LIPI: variants seen among roughly 807,000 people sequenced by gnomAD.
LIPI encodes the protein lipase I.
Under a neutral mutation model 50.6 loss-of-function variants are expected in LIPI, and 59 were observed. That is an observed-to-expected ratio of 1.16 (90% CI 0.94 to 1.45). LIPI has a LOEUF of 1.45. Ranked by LOEUF, LIPI falls within the 40% of genes most tolerant of loss-of-function variation. LIPI has a pLI of 0.00. For synonymous variants in LIPI, 203 were observed against 178.2 expected, an observed-to-expected ratio of 1.14 and a Z score of -1.11; for missense variants, 586 against 536.3, an observed-to-expected ratio of 1.09 and a Z score of -0.92.
At chr21:14,155,664 TAAC>T (rs2018248596) in intron 7 of LIPI, among the ~76,000 whole-genome samples, 1 of 151,940 alleles carries the variant, frequency 6.6e-6, no homozygotes, top group South Asian at 2.1e-4. Flanking sequence ...AAAGAAAATA[TAAC>T]ATTTTTCAAG....
At chr21:14,166,231 T>C (rs2018677783) in intron 5 of LIPI, 131 bp downstream of exon 5, 1 of 700,276 alleles carries the variant, frequency 1.4e-6, no homozygotes, top group African/African-American at 1.7e-5. Flanking sequence ...TGTTAACCAA[T>C]GACTCTCCTG....
At chr21:14,118,968 T>C (rs961020203) in intron 9 of LIPI, among the ~76,000 whole-genome samples, 7 of 152,330 alleles carry the variant, frequency 4.6e-5, no homozygotes, top group South Asian at 2.1e-4. Context: ...TTAAAGGCAA[T>C]CAACGAGGTG....
At position 14,189,310 on chromosome 21, in the gene LIPI, GT is replaced by G; in HGVS notation, c.155del (p.Asn52ThrfsTer2). On this transcript the variant is annotated frameshift_variant, in exon 2 of 10. Transcript: ENST00000681601. LOFTEE classifies it high-confidence loss of function. ...ETILMMYTRN[N>X]LNCAEPLFEQ... ...CAAACAGTGGCTCAGCACAGTTTAG[GT>G]TGTTCCTTGTATACATCATCAGAAT... The G allele has an allele frequency of 6.2e-7, 1 of 1,613,606 alleles. No individual in the cohort carries two copies. Among genetic ancestry groups the G allele is most frequent in the Non-Finnish European group, 8.5e-7 (1 of 1,179,588 alleles).
intron 9 of LIPI, among the ~76,000 whole-genome samples, chr21:14,110,127 AAAG>A (rs2016343805): frequency 2.0e-5 from 3 of 151,848 alleles, no homozygotes. Flanking sequence ...AAATAATAAA[AAAG>A]AAATATAGTA....
intron 9 of LIPI, among the ~76,000 whole-genome samples, chr21:14,117,254 C>T (rs2016682906): frequency 6.6e-6 from 1 of 152,188 alleles, no homozygotes; most frequent in Admixed American, 6.5e-5. Flanking sequence ...AGCATACTCC[C>T]TCCTATACGG....
intron 4 of LIPI, among the ~76,000 whole-genome samples, chr21:14,174,623 C>T (rs112642217): frequency 4.6e-5 from 7 of 152,010 alleles, no homozygotes; most frequent in African/African-American, 1.2e-4. Flanking sequence ...GCATGATCTC[C>T]GCTCACTGTG....
At chr21:14,116,493 C>T (rs2016645015) in intron 9 of LIPI, among the ~76,000 whole-genome samples, 1 of 152,120 alleles carries the variant, frequency 6.6e-6, no homozygotes, top group South Asian at 2.1e-4. Context: ...AGCATTGAAG[C>T]CGACTCCATT....
intron 4 of LIPI, among the ~76,000 whole-genome samples, chr21:14,167,808 C>T (rs1480299328): frequency 2.0e-5 from 3 of 152,116 alleles, no homozygotes; most frequent in Non-Finnish European, 4.4e-5. Context: ...AGCAGAGTGC[C>T]TCTCCTCCTC....
intron 4 of LIPI, among the ~76,000 whole-genome samples, chr21:14,180,131 C>A (rs1282637791): frequency 6.6e-6 from 1 of 152,100 alleles, no homozygotes; most frequent in African/African-American, 2.4e-5. Context: ...CCCTGGTCTC[C>A]TGCAGTACCC....
intron 9 of LIPI, among the ~76,000 whole-genome samples, chr21:14,136,282 G>A (rs1307315788): frequency 2.0e-5 from 3 of 152,154 alleles, no homozygotes; most frequent in Non-Finnish European, 2.9e-5. Flanking sequence ...CACAATTCCA[G>A]GACTTGATTC....
rs2017625697 is a variant in LIPI, at chr21:14,139,473, C to T, written c.1295+5150G>A. 2.6e-5 allele frequency among the ~76,000 whole-genome samples: 4 copies of T among 152,090 alleles called. No individual in the cohort carries two copies. In the South Asian group the frequency reaches 6.2e-4, roughly 24 times the overall value. On this transcript the variant is annotated intron_variant, in intron 9 of 9. Transcript: ENST00000681601. ...CAATGTATTTATTTCTGCATTTATT[C>T]ATTCAACAACTATTCCTTTAGTGCC...
chr21:14,181,455 A>C (rs1166022590), intron 4 of LIPI, among the ~76,000 whole-genome samples: 3 of 152,162 alleles, frequency 2.0e-5, no homozygotes, highest in Non-Finnish European at 4.4e-5. Context: ...AATGTGATCA[A>C]ATCAATAAAA....
At chr21:14,205,276 G>A (rs1339925879) in intron 1 of LIPI, among the ~76,000 whole-genome samples, 2 of 151,646 alleles carry the variant, frequency 1.3e-5, no homozygotes, top group African/African-American at 2.4e-5. Context: ...TTAAATACAT[G>A]GAAATTATAG....
At chr21:14,208,099 A>G (rs2020274121) in intron 1 of LIPI, among the ~76,000 whole-genome samples, 2 of 152,234 alleles carry the variant, frequency 1.3e-5, no homozygotes, top group Admixed American at 1.3e-4. Context: ...ATCGTGGATC[A>G]TATCAGAAAA....
intron 9 of LIPI, among the ~76,000 whole-genome samples, chr21:14,113,780 T>C (rs184437709): frequency 5.5e-4 from 84 of 152,310 alleles, no homozygotes; most frequent in African/African-American, 1.8e-3. Flanking sequence ...TGACTCACAG[T>C]TCAGCATGGC....
chr21:14,111,706 C>A (rs959875400), intron 9 of LIPI, among the ~76,000 whole-genome samples: 1 of 151,976 alleles, frequency 6.6e-6, no homozygotes, highest in Non-Finnish European at 1.5e-5. Context: ...TTTCTTCTAG[C>A]AAGTTTATAG....
intron 7 of LIPI, among the ~76,000 whole-genome samples, chr21:14,160,192 T>A (rs1162145021): frequency 6.6e-6 from 1 of 151,202 alleles, no homozygotes; most frequent in Admixed American, 6.6e-5. Context: ...CAAAGAAGAA[T>A]GAAGAGGAAA....
chr21:14,150,639 G>C (rs1238448954), intron 8 of LIPI, among the ~76,000 whole-genome samples: 1 of 152,074 alleles, frequency 6.6e-6, no homozygotes, highest in East Asian at 1.9e-4. Context: ...ATAAATAATA[G>C]ATCATGTGTG....
intron 8 of LIPI, among the ~76,000 whole-genome samples, chr21:14,152,074 TA>T (rs1813261152): frequency 3.9e-5 from 2 of 50,910 alleles, no homozygotes; most frequent in South Asian, 1.1e-3. Flanking sequence ...TAACTTATTT[TA>T]TTTATTTATT....
Sources: gnomAD v4.1 joint callset for allele counts (sites outside exome capture counted in the v4.1 genomes callset) on GRCh38, gnomAD v4.1.1 for gene constraint, MANE v1.5 for transcripts, NCBI Gene and HGNC (gene_info 2026-07-23, HGNC 2026-07-21) for gene names.